Variants in LAMC3 observed in about 807,000 individuals in gnomAD.
The protein encoded by LAMC3 is laminin subunit gamma 3.
In LAMC3, 128 loss-of-function variants were observed where a neutral mutation model predicts 173.8. The observed-to-expected ratio is 0.74, with a 90% CI of 0.64 to 0.85. LAMC3 has a LOEUF of 0.85. Among genes scored for constraint, LAMC3 ranks in the 40% least tolerant of loss-of-function variants. The pLI is 0.00. For synonymous variants in LAMC3, 897 were observed against 909.1 expected, an observed-to-expected ratio of 0.99 and a Z score of 0.24; for missense variants, 2,022 against 2,156.0, an observed-to-expected ratio of 0.94 and a Z score of 1.23.
intron 1 of LAMC3, among the ~76,000 whole-genome samples, chr9:131,013,624 T>C (rs957141420): frequency 1.3e-5 from 2 of 152,126 alleles, no homozygotes; most frequent in African/African-American, 4.8e-5. Flanking sequence ...AACGAGGATG[T>C]ATGCTCAGAA....
Position 131,033,254 on chromosome 9 carries a change from A to G in LAMC3, c.809+1079A>G, listed in dbSNP as rs185980390. 3.3e-5 allele frequency among the ~76,000 whole-genome samples: 5 copies of G among 152,334 alleles called. No individual in the cohort carries two copies. In the East Asian group the frequency reaches 9.6e-4, roughly 29 times the overall value. On this transcript the variant is annotated intron_variant, in intron 3 of 27. Coordinates refer to ENST00000361069, the MANE Select transcript of LAMC3 (RefSeq NM_006059.4). ...GGGAGGCATGAACAGCTTCCACGTC[A>G]GTGTTTCTCAGGTTTCTTTGAAAGG...
intron 3 of LAMC3, among the ~76,000 whole-genome samples, chr9:131,033,133 C>T (rs1833875997): frequency 6.6e-6 from 1 of 152,140 alleles, no homozygotes; most frequent in Non-Finnish European, 1.5e-5. Flanking sequence ...GCAGGGGCTG[C>T]CTAGGAGGTA....
At position 131,072,686 on chromosome 9, in the gene LAMC3, G is replaced by A. The variant is rs374180120; in HGVS notation, c.3268G>A (p.Ala1090Thr). ...GAGCCTCGAGGGTGCTGTCAAGGCC[G>A]CCCGGGAGCAGCTGCAGAGGCTGAA... ...MMSLEGAVKA[A>T]REQLQRLNKG... The change falls in exon 19 of 28, where the codon GCC (alanine) becomes ACC (threonine). Residue 1090 changes from alanine to threonine, a missense_variant. By Grantham distance (58) the Ala-to-Thr change is moderately conservative. Coordinates refer to ENST00000361069, the MANE Select transcript of LAMC3 (RefSeq NM_006059.4). 54 of 1,611,748 alleles carry A rather than the reference G, an allele frequency of 3.4e-5. No individual in the cohort carries two copies. The highest frequency in any genetic ancestry group is 2.2e-4 in the East Asian group (10 of 44,874).
intron 24 of LAMC3, among the ~76,000 whole-genome samples, chr9:131,083,821 T>G (rs1830282467): frequency 6.6e-6 from 1 of 151,802 alleles, no homozygotes; most frequent in African/African-American, 2.4e-5. Flanking sequence ...GAAGGCTTTA[T>G]TCATTTTAAA....
chr9:131,056,557 G>A lies in LAMC3; in HGVS notation c.1940-372G>A, dbSNP rs796521128. ...CACATGCAATCCCAGCACTTTGGGAGGCCAAGGCAGGAGGATTACTTGAGG... is the reference window on the plus strand; with the variant it reads ...CACATGCAATCCCAGCACTTTGGGAAGCCAAGGCAGGAGGATTACTTGAGG... On this transcript the variant is annotated intron_variant, in intron 11 of 27. Coordinates refer to ENST00000361069, the MANE Select transcript of LAMC3 (RefSeq NM_006059.4). Among the ~76,000 whole-genome samples the A allele has an allele frequency of 2.0e-5, 3 of 151,734 alleles. No individual in the cohort carries two copies. The South Asian group carries it at 6.2e-4, about 32-fold the overall frequency.
At chr9:131,067,860 C>T (rs543946650) in intron 14 of LAMC3, among the ~76,000 whole-genome samples, 1 of 152,302 alleles carries the variant, frequency 6.6e-6, no homozygotes, top group African/African-American at 2.4e-5. Context: ...TTGTCTGTTA[C>T]CATGACCGTC....
intron 20 of LAMC3, 74 bp from the exon 21 acceptor site, chr9:131,075,757 A>T: frequency 2.0e-6 from 3 of 1,512,170 alleles, no homozygotes; most frequent in South Asian, 2.4e-5. Flanking sequence ...CCTGTGTAGT[A>T]GGGGGCGTAG....
Position 131,018,153 on chromosome 9 carries a change from T to C in LAMC3, c.374-8132T>C, listed in dbSNP as rs542578297. On this transcript the variant is annotated intron_variant, in intron 1 of 27. Transcript: ENST00000361069. ...CCCAAGATCTTTTTTTTTTTTTTTC[T>C]TGAGTTGGAGTCTCACTCTAGCCCA... is the stretch of plus-strand genomic sequence containing the variant. Among the ~76,000 whole-genome samples the C allele has an allele frequency of 3.5e-3, 522 of 150,494 alleles. 6 individuals are homozygous for C. Among genetic ancestry groups the C allele is most frequent in the African/African-American group, 0.012 (492 of 41,038 alleles).
In LAMC3 at chr9:131,026,638, T is replaced by C; in HGVS notation, c.678+49T>C. The C allele has an allele frequency of 6.6e-7, 1 of 1,506,864 alleles. No individual in the cohort carries two copies. Among genetic ancestry groups the C allele is most frequent in the Non-Finnish European group, 8.9e-7 (1 of 1,127,900 alleles). The allele number at this position is 1,506,864 out of a possible 1,614,324, so 93.3% of individuals were successfully genotyped here. A position where few individuals can be genotyped will look rare whatever the true frequency, so the allele number is the denominator to read the frequency against. On this transcript the variant is annotated intron_variant, in intron 2 of 27. Transcript: ENST00000361069. The surrounding 1 kb of genome is among the most constrained non-coding windows in gnomAD (Gnocchi z 4.8). ...AGGTTGGGACGGGGTTGGGACTGGG[T>C]CACGGCAGTAGGAGGGTCTGATGTG...
chr9:131,085,594 C>T lies in LAMC3; in HGVS notation c.4101C>T (p.Asp1367=), dbSNP rs1314330792. The part of the protein sequence containing the change: ...ALQRKADSVS[D]RLLADTRKKT... ...AGAGGAAGGCAGACTCCGTCAGTGA[C>T]AGACTCCTTGCAGACACGAGAAAGA... The change falls in exon 25 of 28, where the codon GAC becomes GAT. Residue 1367 remains aspartate, a synonymous_variant. Coordinates refer to ENST00000361069, the MANE Select transcript of LAMC3 (RefSeq NM_006059.4). 6.2e-7 allele frequency: 1 copy of T among 1,614,150 alleles called. No individual in the cohort carries two copies. The highest frequency in any genetic ancestry group is 8.5e-7 in the Non-Finnish European group (1 of 1,180,038).
At chr9:131,084,513 C>T (rs117271911) in intron 24 of LAMC3, among the ~76,000 whole-genome samples, 3,901 of 152,050 alleles carry the variant, frequency 0.026, 79 homozygotes, top group South Asian at 0.048. Context: ...ACTAAATTTC[C>T]CTTAGAATTT....
chr9:131,085,090 A>G (rs970651382), intron 24 of LAMC3, among the ~76,000 whole-genome samples: 2 of 152,070 alleles, frequency 1.3e-5, no homozygotes, highest in Non-Finnish European at 2.9e-5. Flanking sequence ...TCATCCCTCC[A>G]GTTACATCAG....
chr9:131,033,532 T>C (rs1833886037), intron 3 of LAMC3, among the ~76,000 whole-genome samples: 1 of 148,834 alleles, frequency 6.7e-6, no homozygotes, highest in Non-Finnish European at 1.5e-5. Flanking sequence ...CGTGGAGAGG[T>C]TGGCAGAGTG....
At chr9:131,076,299 T>A (rs953458268) in intron 21 of LAMC3, among the ~76,000 whole-genome samples, 3 of 151,640 alleles carry the variant, frequency 2.0e-5, no homozygotes, top group African/African-American at 7.3e-5. Flanking sequence ...CCAGGGCAGC[T>A]CCTCTGAGCT....
At position 131,091,799 on chromosome 9, in the gene LAMC3, A is replaced by C; in HGVS notation, c.*12A>C. 1 of 1,611,286 alleles carries C rather than the reference A, an allele frequency of 6.2e-7. No individual in the cohort carries two copies. The highest frequency in any genetic ancestry group is 8.5e-7 in the Non-Finnish European group (1 of 1,179,902). ...CCAGCTGGCAGTGAGGGCTGCCCAG[A>C]TCCCCGGCACACACTCCCCCACCTG... On this transcript the variant is annotated 3_prime_UTR_variant, in exon 28 of 28. Coordinates refer to ENST00000361069, the MANE Select transcript of LAMC3 (RefSeq NM_006059.4).
intron 12 of LAMC3, among the ~76,000 whole-genome samples, chr9:131,058,136 G>A (rs1307167490): frequency 6.6e-6 from 1 of 151,942 alleles, no homozygotes; most frequent in Admixed American, 6.6e-5. Context: ...TTTTGTGGGG[G>A]GTGACAGAGT....
Position 131,087,506 on chromosome 9 carries a change from C to T in LAMC3, c.4261C>T (p.Gln1421Ter), listed in dbSNP as rs749813462. The T allele has an allele frequency of 1.9e-6, 3 of 1,613,800 alleles. No homozygotes were observed. The highest frequency in any genetic ancestry group is 1.1e-5 in the South Asian group (1 of 91,088). Residue 1421 changes from glutamine (Q) to a stop codon, truncating the protein, a stop_gained, in exon 26 of 28, where the codon CAG (glutamine) becomes TAG (stop). Transcript: ENST00000361069. LOFTEE classifies it high-confidence loss of function. ...LAKALLRERK[Q>*]AHRRASRLTS... is the part of the protein sequence containing the mutation. The stretch of plus-strand genomic sequence containing the variant: ...CAAGGCCTTGCTGAGGGAGCGGAAA[C>T]AGGCGCACCGCCGTGCCAGCAGGCT...
chr9:131,032,602 TTC>T (rs148698819), intron 3 of LAMC3, among the ~76,000 whole-genome samples: 16,943 of 117,988 alleles, frequency 0.14, 1,590 homozygotes, highest in African/African-American at 0.28. Flanking sequence ...CTCACTCGCT[TTC>T]TCTCTCTCTC....
chr9:131,068,832 C>A, intron 15 of LAMC3, 76 bp from the exon 16 acceptor site: 1 of 1,562,392 alleles, frequency 6.4e-7, no homozygotes, highest in South Asian at 1.1e-5. Context: ...GAGGCCCCAG[C>A]CAGCTGCAGC....
Sources: gnomAD v4.1 joint callset for allele counts (sites outside exome capture counted in the v4.1 genomes callset) on GRCh38, gnomAD v4.1.1 for gene constraint, Gnocchi (gnomAD v3.1) non-coding constraint, MANE v1.5 for transcripts, NCBI Gene and HGNC (gene_info 2026-07-23, HGNC 2026-07-21) for gene names.